Variants in CPNE4 observed in about 807,000 individuals in gnomAD.
The protein encoded by CPNE4 is copine-4.
Under a neutral mutation model 67.9 loss-of-function variants are expected in CPNE4, and 25 were observed. The observed-to-expected ratio is 0.37, with a 90% confidence interval of 0.27 to 0.51. The LOEUF (loss-of-function observed/expected upper bound fraction) is 0.51. Ranked by LOEUF, CPNE4 falls within the 20% of genes least tolerant of loss-of-function variation. The pLI is 0.93. For synonymous variants in CPNE4, 242 were observed against 244.9 expected, an observed-to-expected ratio of 0.99 and a Z score of 0.11; for missense variants, 464 against 690.8, an observed-to-expected ratio of 0.67 and a Z score of 3.68.
chr3:132,037,513 C>T, upstream of CPNE4: 1 of 1,477,848 alleles, frequency 6.8e-7, no homozygotes, highest in Non-Finnish European at 9.1e-7. Flanking sequence ...CCACAGTCCC[C>T]TCAACAATTG....
At chr3:131,717,942 CT>C (rs376553304) in intron 3 of CPNE4, among the ~76,000 whole-genome samples, 1,180 of 110,042 alleles carry the variant, frequency 0.011, 5 homozygotes, top group South Asian at 0.022. Flanking sequence ...TTCTTTCTTT[CT>C]TTTCTTTCTT....
chr3:132,002,330 T>C (rs1402437183), intron 1 of CPNE4, among the ~76,000 whole-genome samples: 2 of 152,150 alleles, frequency 1.3e-5, no homozygotes, highest in Non-Finnish European at 2.9e-5. Flanking sequence ...GAACTAAGGC[T>C]CTCATTAATG....
At chr3:131,546,938 T>C (rs551987092) in intron 14 of CPNE4, among the ~76,000 whole-genome samples, 6 of 152,296 alleles carry the variant, frequency 3.9e-5, no homozygotes, top group Admixed American at 3.9e-4. Context: ...ATTTTATATG[T>C]TGAGTTTCTA....
intron 1 of CPNE4, among the ~76,000 whole-genome samples, chr3:131,939,690 A>G (rs1475394166): frequency 6.6e-6 from 1 of 152,176 alleles, no homozygotes; most frequent in Non-Finnish European, 1.5e-5. Context: ...AGCCAGTGAC[A>G]GCACTTACAA....
intron 2 of CPNE4, among the ~76,000 whole-genome samples, chr3:131,869,276 C>T (rs192641585): frequency 6.6e-6 from 1 of 152,218 alleles, no homozygotes; most frequent in East Asian, 1.9e-4. Context: ...CCCCAGACTC[C>T]ACATTGTTGG....
intron 7 of CPNE4, among the ~76,000 whole-genome samples, chr3:131,641,403 A>G (rs1379907717): frequency 6.6e-6 from 1 of 152,228 alleles, no homozygotes; most frequent in Non-Finnish European, 1.5e-5. Context: ...TCCCAAGCAT[A>G]TGGAAAAATG....
intron 2 of CPNE4, among the ~76,000 whole-genome samples, chr3:131,869,170 T>C (rs1252223624): frequency 6.6e-6 from 1 of 152,142 alleles, no homozygotes; most frequent in African/African-American, 2.4e-5. Flanking sequence ...GGTTTTTGTC[T>C]GTTTTCATTT....
chr3:131,888,538 T>C (rs1028914977), intron 2 of CPNE4, among the ~76,000 whole-genome samples: 3 of 152,210 alleles, frequency 2.0e-5, no homozygotes, highest in African/African-American at 7.2e-5. Flanking sequence ...TTAATTAGCC[T>C]ATAAACTGAC....
intron 7 of CPNE4, among the ~76,000 whole-genome samples, chr3:131,620,738 T>C (rs1054911730): frequency 1.3e-5 from 2 of 152,068 alleles, no homozygotes; most frequent in Non-Finnish European, 2.9e-5. Flanking sequence ...CAGGGTGCTG[T>C]GATTGCTAGA....
chr3:131,635,040 C>T (rs1170935606), intron 7 of CPNE4, among the ~76,000 whole-genome samples: 2 of 152,122 alleles, frequency 1.3e-5, no homozygotes, highest in African/African-American at 4.8e-5. Flanking sequence ...ACTTATGGCT[C>T]AATCATAAGG....
At chr3:131,713,587 T>C (rs533709657) in intron 3 of CPNE4, among the ~76,000 whole-genome samples, 16 of 152,298 alleles carry the variant, frequency 1.1e-4, no homozygotes, top group Non-Finnish European at 1.9e-4. Flanking sequence ...GTTTGTTCTA[T>C]AGATGAAGTC....
At chr3:131,579,722 G>A (rs1232974899) in intron 9 of CPNE4, among the ~76,000 whole-genome samples, 2 of 152,140 alleles carry the variant, frequency 1.3e-5, no homozygotes, top group Admixed American at 1.3e-4. Flanking sequence ...GGTAGAAATA[G>A]CAAGGGAACC....
chr3:131,974,451 A>G (rs548930369), intron 1 of CPNE4, among the ~76,000 whole-genome samples: 1 of 152,344 alleles, frequency 6.6e-6, no homozygotes, highest in East Asian at 1.9e-4. Flanking sequence ...TCTCCTTGTC[A>G]TAGCACACTC....
Position 131,670,482 on chromosome 3 carries a change from A to T in CPNE4, c.592-718T>A, listed in dbSNP as rs950038835. On this transcript the variant is annotated intron_variant, in intron 6 of 15. Coordinates refer to ENST00000429747, the MANE Select transcript of CPNE4 (RefSeq NM_130808.3). Reference sequence around the variant, plus strand: ...ATGAGTCAAATCTTATCTTGCCATAACTATGGTTCAAATAATTCAATTTGG... The same window carrying T: ...ATGAGTCAAATCTTATCTTGCCATATCTATGGTTCAAATAATTCAATTTGG... Among the ~76,000 whole-genome samples, 16 of 152,342 alleles carry T rather than the reference A, an allele frequency of 1.1e-4. 1 individual carries two copies. Among genetic ancestry groups the T allele is most frequent in the Admixed American group, 6.5e-4 (10 of 15,302 alleles).
rs1007998940 is a variant in CPNE4 at position 131,629,006 on chromosome 3, A to G, written c.681+40669T>C. ...ATTGCGATGTTAGGGTGTCAATTTT[A>G]GATCTTTCCTGCTTTCTCTTGTGGG... On this transcript the variant is annotated intron_variant, in intron 7 of 15. Transcript: ENST00000429747. 5.3e-5 allele frequency among the ~76,000 whole-genome samples: 8 copies of G among 152,276 alleles called. No homozygotes were observed. The East Asian group carries it at 1.5e-3, about 29-fold the overall frequency.
chr3:131,637,731 T>C (rs1276824297), intron 7 of CPNE4, among the ~76,000 whole-genome samples: 1 of 152,068 alleles, frequency 6.6e-6, no homozygotes, highest in Non-Finnish European at 1.5e-5. Context: ...CTAGGCACAG[T>C]CATCCAGTTA....
intron 7 of CPNE4, among the ~76,000 whole-genome samples, chr3:131,656,311 G>A (rs1197070472): frequency 1.3e-5 from 2 of 152,144 alleles, no homozygotes; most frequent in Non-Finnish European, 2.9e-5. Flanking sequence ...GATGAATGTA[G>A]ACTTGTCTTA....
chr3:131,859,578 G>C (rs1156634209), intron 2 of CPNE4, among the ~76,000 whole-genome samples: 1 of 152,084 alleles, frequency 6.6e-6, no homozygotes, highest in Non-Finnish European at 1.5e-5. Flanking sequence ...CACACTCCAG[G>C]CCAATAAAAG....
intron 1 of CPNE4, among the ~76,000 whole-genome samples, chr3:131,940,775 T>C (rs1373293978): frequency 6.6e-6 from 1 of 152,118 alleles, no homozygotes; most frequent in Non-Finnish European, 1.5e-5. Flanking sequence ...AGAGGTTTTG[T>C]GACCAGGAAC....
Sources: allele counts gnomAD v4.1 joint callset (sites outside exome capture counted in the v4.1 genomes callset), GRCh38; gene constraint gnomAD v4.1.1; transcripts MANE v1.5; gene names NCBI Gene and HGNC (gene_info 2026-07-23, HGNC 2026-07-21).